Variants in ARIH1 observed in about 807,000 individuals in gnomAD.
The protein encoded by ARIH1 is ariadne RBR E3 ubiquitin protein ligase 1.
A neutral mutation model predicts 85.0 loss-of-function variants in ARIH1; 8 were observed. That is an observed-to-expected ratio of 0.09 (90% CI 0.06 to 0.17). The LOEUF is 0.17. ARIH1 is among the 10% of genes least tolerant of loss of function. The pLI, the probability that ARIH1 is intolerant of heterozygous loss-of-function variation, is 1.00. For missense variants in ARIH1, 311 were observed against 718.1 expected (o/e 0.43, Z 6.48); for synonymous variants, 238 against 253.6 (o/e 0.94, Z 0.59).
intron 1 of ARIH1, among the ~76,000 whole-genome samples, chr15:72,515,528 A>G (rs2063971353): frequency 6.6e-6 from 1 of 152,090 alleles, no homozygotes; most frequent in Admixed American, 6.6e-5. Flanking sequence ...TGAATATTGT[A>G]TTGTGAGATT....
chr15:72,570,536 T>C (rs2064239053), intron 10 of ARIH1, among the ~76,000 whole-genome samples: 1 of 152,192 alleles, frequency 6.6e-6, no homozygotes, highest in Non-Finnish European at 1.5e-5. Context: ...GTTCATTAGT[T>C]ATAAAAGTAG....
chr15:72,491,143 G>C (rs923325719), intron 1 of ARIH1, among the ~76,000 whole-genome samples: 2 of 151,794 alleles, frequency 1.3e-5, no homozygotes, highest in African/African-American at 2.4e-5. Flanking sequence ...AAAAATAAAA[G>C]ATTTATTAGC....
intron 2 of ARIH1, among the ~76,000 whole-genome samples, chr15:72,530,264 TGA>T (rs1186368391): frequency 6.6e-6 from 1 of 152,200 alleles, no homozygotes; most frequent in African/African-American, 2.4e-5. Context: ...GGTTCAAGGT[TGA>T]GAGTTTGGGA....
At chr15:72,546,740 TTTTGTTTG>T (rs1198291745) in intron 3 of ARIH1, among the ~76,000 whole-genome samples, 1 of 151,408 alleles carries the variant, frequency 6.6e-6, no homozygotes, top group Non-Finnish European at 1.5e-5. Flanking sequence ...TGTGTGTGTG[TTTTGTTTG>T]TTTGTTTGTT....
At chr15:72,521,314 A>G (rs1207192862) in intron 2 of ARIH1, among the ~76,000 whole-genome samples, 2 of 150,492 alleles carry the variant, frequency 1.3e-5, no homozygotes, top group Non-Finnish European at 2.9e-5. Flanking sequence ...ACATGTGACA[A>G]ACTTTAAGTC....
chr15:72,558,006 TC>T (rs1030782914), intron 5 of ARIH1, among the ~76,000 whole-genome samples: 13 of 152,204 alleles, frequency 8.5e-5, no homozygotes, highest in African/African-American at 2.7e-4. Context: ...TAGTTTGACT[TC>T]TTTTCTTATT....
intron 11 of ARIH1, among the ~76,000 whole-genome samples, chr15:72,572,790 T>C (rs2064254481): frequency 6.6e-6 from 1 of 152,208 alleles, no homozygotes; most frequent in African/African-American, 2.4e-5. Context: ...GGCAATATCT[T>C]ACTTACTTAA....
intron 1 of ARIH1, among the ~76,000 whole-genome samples, chr15:72,505,622 T>C (rs1471127093): frequency 1.3e-5 from 2 of 152,200 alleles, no homozygotes; most frequent in African/African-American, 4.8e-5. Context: ...CTAGTTCATG[T>C]GCATTTTAAA....
rs2064342891 is a variant in ARIH1 at position 72,591,328 on chromosome 15, T to C, written c.*8036T>C. 1 of 152,024 alleles carries C rather than the reference T, an allele frequency of 6.6e-6. No individual in the cohort carries two copies. The highest frequency in any genetic ancestry group is 2.4e-5 in the African/African-American group (1 of 41,378). The allele number at this position is 152,024 out of a possible 1,614,324, so 9.4% of individuals were successfully genotyped here. ...GCTTTTTAGGCTGAAAACGTTTCTA[T>C]AGATTTTGGATTTCCTTCTGATAGC... On this transcript the variant is annotated 3_prime_UTR_variant, in exon 14 of 14. Transcript: ENST00000379887.
intron 1 of ARIH1, among the ~76,000 whole-genome samples, chr15:72,496,632 A>T (rs1038501156): frequency 6.6e-6 from 1 of 152,238 alleles, no homozygotes; most frequent in Non-Finnish European, 1.5e-5. Context: ...GATGGTTGCA[A>T]ATACCAAGTT....
intron 11 of ARIH1, among the ~76,000 whole-genome samples, chr15:72,576,284 T>C (rs959980234): frequency 2.1e-4 from 32 of 152,058 alleles, no homozygotes; most frequent in Middle Eastern, 3.4e-3. Flanking sequence ...GGCGGGCGGA[T>C]CACAAGGTCA....
chr15:72,560,420 A>G (rs915855861), intron 5 of ARIH1, among the ~76,000 whole-genome samples: 9 of 152,226 alleles, frequency 5.9e-5, no homozygotes, highest in African/African-American at 2.2e-4. Context: ...ACTATCTGCC[A>G]GGCACTATTC....
chr15:72,560,025 TGTG>T (rs2064191225), intron 5 of ARIH1, among the ~76,000 whole-genome samples: 1 of 152,226 alleles, frequency 6.6e-6, no homozygotes, highest in Non-Finnish European at 1.5e-5. Context: ...TCCTGGGTCT[TGTG>T]GTAATGCTAT....
intron 2 of ARIH1, among the ~76,000 whole-genome samples, chr15:72,524,314 T>A (rs1458219324): frequency 6.7e-5 from 10 of 150,022 alleles, no homozygotes; most frequent in Non-Finnish European, 3.0e-5. Context: ...TGGTGCAATG[T>A]CCACTCATTG....
At position 72,511,504 on chromosome 15, in the gene ARIH1, C is replaced by T. The variant is rs12324257; in HGVS notation, c.376-6563C>T. The stretch of plus-strand genomic sequence containing the variant: ...ATTTTTAGTAGAAATGGGGTTTCAT[C>T]ATGTTGGCCAGGCTGGTCTTGAACT... On this transcript the variant is annotated intron_variant, in intron 1 of 13. Transcript: ENST00000379887. Among the ~76,000 whole-genome samples the T allele has an allele frequency of 6.8e-3, 1,036 of 152,224 alleles. 8 individuals are homozygous for T. Among genetic ancestry groups the T allele is most frequent in the African/African-American group, 0.024 (983 of 41,516 alleles).
intron 1 of ARIH1, among the ~76,000 whole-genome samples, chr15:72,495,341 C>T (rs576491095): frequency 6.6e-6 from 1 of 152,218 alleles, no homozygotes; most frequent in Non-Finnish European, 1.5e-5. Context: ...CACTGAACTA[C>T]TTTTGAGAGT....
chr15:72,577,293 C>T (rs1305112858), intron 11 of ARIH1, among the ~76,000 whole-genome samples: 1 of 151,984 alleles, frequency 6.6e-6, no homozygotes, highest in Non-Finnish European at 1.5e-5. Flanking sequence ...CTGGCATATA[C>T]TGTGTTCTTA....
At chr15:72,509,007 T>C (rs1274563491) in intron 1 of ARIH1, among the ~76,000 whole-genome samples, 1 of 151,492 alleles carries the variant, frequency 6.6e-6, no homozygotes, top group African/African-American at 2.4e-5. Flanking sequence ...TTTTTTTTTT[T>C]TTGAGACTGA....
intron 2 of ARIH1, among the ~76,000 whole-genome samples, chr15:72,534,373 G>C (rs188471068): frequency 8.6e-5 from 13 of 151,946 alleles, no homozygotes; most frequent in African/African-American, 3.1e-4. Context: ...TCTTGTCCTG[G>C]GTGGTATTTA....
Sources: allele counts gnomAD v4.1 joint callset (sites outside exome capture counted in the v4.1 genomes callset), GRCh38; gene constraint gnomAD v4.1.1; transcripts MANE v1.5; gene names NCBI Gene and HGNC (gene_info 2026-07-23, HGNC 2026-07-21).